SLC1A3: variants seen among roughly 807,000 people sequenced by gnomAD.
SLC1A3 encodes the protein solute carrier family 1 member 3.
A neutral mutation model predicts 48.1 loss-of-function variants in SLC1A3; 21 were observed. The observed-to-expected ratio is 0.44, with a 90% CI of 0.31 to 0.63. The LOEUF is 0.63. SLC1A3 is among the 20% of genes least tolerant of loss of function. The pLI is 0.08. For synonymous variants in SLC1A3, 239 were observed against 251.4 expected (o/e 0.95, Z 0.47); for missense variants, 546 against 689.0 (o/e 0.79, Z 2.32).
intron 3 of SLC1A3, among the ~76,000 whole-genome samples, chr5:36,648,209 A>C (rs1367155123): frequency 6.6e-6 from 1 of 152,114 alleles, no homozygotes. Context: ...TTGAAAGAAA[A>C]ATTTTTAAAG....
intron 3 of SLC1A3, among the ~76,000 whole-genome samples, chr5:36,631,041 A>G (rs746698150): frequency 6.6e-6 from 1 of 152,218 alleles, no homozygotes; most frequent in Non-Finnish European, 1.5e-5. Context: ...CACAGAAAGC[A>G]CTTGTAAGAC....
intron 2 of SLC1A3, among the ~76,000 whole-genome samples, chr5:36,611,804 C>G (rs563294252): frequency 5.8e-5 from 8 of 139,114 alleles, no homozygotes; most frequent in Non-Finnish European, 1.2e-4. Context: ...TTAGAGTGAC[C>G]TCAGACATCT....
At chr5:36,608,646 T>G in intron 2 of SLC1A3, 42 bp downstream of exon 2, 2 of 1,607,910 alleles carry the variant, frequency 1.2e-6, no homozygotes, top group Non-Finnish European at 8.5e-7. Context: ...GTATCTTGTT[T>G]CTCTGGGGCA....
chr5:36,664,902 G>A (rs1452721550), intron 3 of SLC1A3, among the ~76,000 whole-genome samples: 4 of 152,210 alleles, frequency 2.6e-5, no homozygotes, highest in African/African-American at 9.7e-5. Flanking sequence ...GGAAGGGAAA[G>A]CAATAGGGTG....
At chr5:36,634,230 C>T (rs12518871) in intron 3 of SLC1A3, among the ~76,000 whole-genome samples, 51,369 of 151,626 alleles carry the variant, frequency 0.34, 9,847 homozygotes, top group South Asian at 0.44. Context: ...GAGCCAAGAT[C>T]GCGCCACTGT....
chr5:36,607,907 C>A (rs1739020087), intron 1 of SLC1A3, among the ~76,000 whole-genome samples: 1 of 152,164 alleles, frequency 6.6e-6, no homozygotes, highest in African/African-American at 2.4e-5. Context: ...CCTGGTTATG[C>A]TTTCAACCAT....
Position 36,686,089 on chromosome 5 carries a change from C to T in SLC1A3, c.1449C>T (p.Asn483=), listed in dbSNP as rs758716513. The T allele has an allele frequency of 8.4e-5, 136 of 1,614,032 alleles. 1 individual carries two copies. In the Admixed American group the frequency reaches 1.1e-3, roughly 13 times the overall value. Reference sequence around the variant, plus strand: ...GGGATCGCCTCCGGACCACCACCAACGTACTGGGAGACTCCCTGGGAGCTG... The same window carrying T: ...GGGATCGCCTCCGGACCACCACCAATGTACTGGGAGACTCCCTGGGAGCTG... ...WFLDRLRTTT[N]VLGDSLGAGI... is the part of the protein sequence containing the mutation. The change falls in exon 10 of 10, where the codon AAC becomes AAT. Residue 483 remains asparagine (N), a synonymous_variant. Transcript: ENST00000265113.
chr5:36,650,539 C>G (rs1741019133), intron 3 of SLC1A3, among the ~76,000 whole-genome samples: 1 of 152,174 alleles, frequency 6.6e-6, no homozygotes, highest in Non-Finnish European at 1.5e-5. Flanking sequence ...GTCTTCCTTT[C>G]CCACCCTTCT....
At chr5:36,652,340 ACACAC>A (rs1216974661) in intron 3 of SLC1A3, among the ~76,000 whole-genome samples, 1 of 152,108 alleles carries the variant, frequency 6.6e-6, no homozygotes, top group Non-Finnish European at 1.5e-5. Flanking sequence ...ACACACACAC[ACACAC>A]AACATTCACT....
Position 36,670,862 on chromosome 5 carries a change from T to A in SLC1A3, c.320-167T>A, listed in dbSNP as rs1208539545. The A allele has an allele frequency of 5.9e-6, 4 of 677,184 alleles. No individual in the cohort carries two copies. In the East Asian group the frequency reaches 8.1e-5, roughly 14 times the overall value. 41.9% of individuals were successfully genotyped at this position (677,184 alleles called of 1,614,324 possible). A position where few individuals can be genotyped will look rare whatever the true frequency, so the allele number is the denominator to read the frequency against. ...CCTCACCATTCTAGCCTCGGCCTTT[T>A]CCCTTCACCTTGTGAGATTTGGGGC... is the stretch of plus-strand genomic sequence containing the variant. On this transcript the variant is annotated intron_variant, in intron 3 of 9. Transcript: ENST00000265113.
At position 36,686,235 on chromosome 5, in the gene SLC1A3, C is replaced by A. The variant is rs765361839; in HGVS notation, c.1595C>A (p.Thr532Asn). 1 of 1,614,036 alleles carries A rather than the reference C, an allele frequency of 6.2e-7. No individual in the cohort carries two copies. Among genetic ancestry groups the A allele is most frequent in the Non-Finnish European group, 8.5e-7 (1 of 1,179,880 alleles). The change falls in exon 10 of 10, where the codon ACT becomes AAT. Residue 532 changes from threonine (T) to asparagine (N), a missense_variant. Around this residue, in one of 3 missense-constraint regions of SLC1A3, gnomAD observed 56 missense variants for 59.0 expected, o/e 0.95. Coordinates refer to ENST00000265113, the MANE Select transcript of SLC1A3 (RefSeq NM_004172.5). ...CAACTGATTGCACAGGACAATGAAA[C>A]TGAGAAACCCATCGACAGTGAAACC... is the stretch of plus-strand genomic sequence containing the variant. ...PYQLIAQDNE[T>N]EKPIDSETKM is the part of the protein sequence containing the mutation.
chr5:36,669,938 G>A (rs1359998114), intron 3 of SLC1A3: 1 of 147,520 alleles, frequency 6.8e-6, no homozygotes, highest in Non-Finnish European at 1.5e-5. Flanking sequence ...TACATTTGTG[G>A]AAACACCATT....
At chr5:36,638,039 T>C (rs1002347812) in intron 3 of SLC1A3, among the ~76,000 whole-genome samples, 3 of 152,186 alleles carry the variant, frequency 2.0e-5, no homozygotes, top group South Asian at 2.1e-4. Context: ...CCCCCACTGT[T>C]ACTACTTTAG....
intron 3 of SLC1A3, chr5:36,636,096 G>A (rs1740340522): frequency 1.3e-5 from 1 of 74,292 alleles, no homozygotes; most frequent in African/African-American, 5.9e-5. Flanking sequence ...TTTTGGTGAG[G>A]TATAAAGCCA....
chr5:36,670,995 G>A (rs920905361), intron 3 of SLC1A3, 34 bp from the exon 4 acceptor site: 31 of 1,587,536 alleles, frequency 2.0e-5, no homozygotes, highest in Admixed American at 3.3e-5. Context: ...TCCCTGGACT[G>A]ACTTCCTGAA....
chr5:36,685,942 C>T, intron 9 of SLC1A3, 123 bp from the exon 10 acceptor site: 1 of 754,182 alleles, frequency 1.3e-6, no homozygotes, highest in Non-Finnish European at 2.4e-6. Context: ...CGTAATCTTG[C>T]AGTTGGTAGA....
At chr5:36,613,664 T>C (rs1430013826) in intron 2 of SLC1A3, among the ~76,000 whole-genome samples, 1 of 152,132 alleles carries the variant, frequency 6.6e-6, no homozygotes, top group Admixed American at 6.5e-5. Context: ...CTTCAACACT[T>C]CTTGGAAATG....
chr5:36,672,262 A>T (rs2111935239), intron 4 of SLC1A3, among the ~76,000 whole-genome samples: 1 of 152,304 alleles, frequency 6.6e-6, no homozygotes, highest in South Asian at 2.1e-4. Context: ...GCATGTCACT[A>T]GACAAACCTA....
intron 3 of SLC1A3, among the ~76,000 whole-genome samples, chr5:36,653,217 G>A (rs773043890): frequency 5.9e-5 from 9 of 152,138 alleles, no homozygotes; most frequent in African/African-American, 1.4e-4. Context: ...ATTCTTTCAC[G>A]TTCCCTCCCC....
Sources: allele counts gnomAD v4.1 joint callset (sites outside exome capture counted in the v4.1 genomes callset), GRCh38; gene constraint gnomAD v4.1.1; regional missense constraint gnomAD v4.1.1; transcripts MANE v1.5; gene names NCBI Gene and HGNC (gene_info 2026-07-23, HGNC 2026-07-21).